RIMS1: variants seen among roughly 807,000 people sequenced by gnomAD.
RIMS1 encodes the protein regulating synaptic membrane exocytosis protein 1.
A neutral mutation model predicts 214.1 loss-of-function variants in RIMS1; 83 were observed. That is an observed-to-expected ratio of 0.39 (90% CI 0.32 to 0.47). The LOEUF (loss-of-function observed/expected upper bound fraction) is 0.47. Among genes scored for constraint, RIMS1 ranks in the 20% least tolerant of loss-of-function variants. RIMS1 has a pLI of 0.99. For missense variants in RIMS1, 2,050 were observed against 2,161.8 expected, an observed-to-expected ratio of 0.95 and a Z score of 1.03; for synonymous variants, 793 against 786.8, an observed-to-expected ratio of 1.01 and a Z score of -0.13.
intron 6 of RIMS1, among the ~76,000 whole-genome samples, chr6:72,210,206 A>G (rs539196006): frequency 6.6e-6 from 1 of 152,318 alleles, no homozygotes; most frequent in Admixed American, 6.5e-5. Context: ...TAGCTTAACA[A>G]AAATCAGAAT....
At chr6:72,092,576 A>G (rs989512175) in intron 2 of RIMS1, among the ~76,000 whole-genome samples, 2 of 152,158 alleles carry the variant, frequency 1.3e-5, no homozygotes, top group Non-Finnish European at 2.9e-5. Context: ...CTGCTGAAAC[A>G]AAAAAGGAAT....
chr6:72,381,196 CT>C (rs2098481324), intron 29 of RIMS1, among the ~76,000 whole-genome samples: 1 of 152,164 alleles, frequency 6.6e-6, no homozygotes, highest in African/African-American at 2.4e-5. Flanking sequence ...GGTGGTCCCT[CT>C]TGTGCCGGTG....
At position 72,247,268 on chromosome 6, in the gene RIMS1, C is replaced by CATAA. The variant is rs577431159; in HGVS notation, c.2129-745_2129-744insAAAT. 1.5e-3 allele frequency among the ~76,000 whole-genome samples: 232 copies of CATAA among 152,194 alleles called. 2 individuals carry two copies. The highest frequency in any genetic ancestry group is 2.2e-3 in the Non-Finnish European group (150 of 67,988). On this transcript the variant is annotated intron_variant, in intron 11 of 33. Transcript: ENST00000521978. ...AGCATTTTCAGAGGTTCAGGATACTCATTTATAAGATCAAAACTAAGATAG... is the reference window on the plus strand; with the variant it reads ...AGCATTTTCAGAGGTTCAGGATACTCATAAATTTATAAGATCAAAACTAAGATAG...
intron 24 of RIMS1, among the ~76,000 whole-genome samples, chr6:72,289,698 C>T (rs185395657): frequency 2.0e-4 from 31 of 152,174 alleles, no homozygotes; most frequent in Admixed American, 1.8e-3. Context: ...AGTTGAATGA[C>T]ACTCCTTTAT....
chr6:71,955,632 A>C (rs1583434247), intron 1 of RIMS1, among the ~76,000 whole-genome samples: 1 of 152,160 alleles, frequency 6.6e-6, no homozygotes, highest in East Asian at 1.9e-4. Flanking sequence ...CATATATGTA[A>C]TGTATATGTA....
chr6:71,966,339 T>C (rs538580938), intron 1 of RIMS1, among the ~76,000 whole-genome samples: 1 of 152,018 alleles, frequency 6.6e-6, no homozygotes, highest in African/African-American at 2.4e-5. Flanking sequence ...TTAATGTGTT[T>C]ATTTTTATTA....
chr6:72,152,506 T>A (rs907199951), intron 4 of RIMS1, among the ~76,000 whole-genome samples: 14 of 152,070 alleles, frequency 9.2e-5, no homozygotes, highest in Non-Finnish European at 1.8e-4. Flanking sequence ...TCCAACTGTA[T>A]CACCAACTTT....
At chr6:72,323,505 G>T (rs193197277) in intron 28 of RIMS1, among the ~76,000 whole-genome samples, 1 of 151,832 alleles carries the variant, frequency 6.6e-6, no homozygotes, top group South Asian at 2.1e-4. Flanking sequence ...TAAAACCAAG[G>T]ATTAATGAAC....
At chr6:72,317,567 G>A (rs1037920188) in intron 28 of RIMS1, 4 of 158,054 alleles carry the variant, frequency 2.5e-5, no homozygotes, top group Admixed American at 1.9e-4. Flanking sequence ...AATATATTCT[G>A]GAATGTCAAT....
intron 1 of RIMS1, among the ~76,000 whole-genome samples, chr6:71,939,682 T>C (rs763752461): frequency 6.6e-6 from 1 of 152,090 alleles, no homozygotes; most frequent in Non-Finnish European, 1.5e-5. Context: ...CAAAGAGGGA[T>C]AAAGGGGACC....
At position 72,088,340 on chromosome 6, in the gene RIMS1, C is replaced by A. The variant is rs111986516; in HGVS notation, c.246-8609C>A. ...CTCGGCTCACTGCAACCTTTGCCTC[C>A]CAGGTTCAAGCGATTCTCCTGCCTC... On this transcript the variant is annotated intron_variant, in intron 2 of 33. Coordinates refer to ENST00000521978, the MANE Select transcript of RIMS1 (RefSeq NM_014989.7). Among the ~76,000 whole-genome samples, 891 of 151,882 alleles carry A rather than the reference C, an allele frequency of 5.9e-3. 8 individuals carry two copies. Among genetic ancestry groups the A allele is most frequent in the African/African-American group, 0.021 (860 of 41,388 alleles).
intron 1 of RIMS1, among the ~76,000 whole-genome samples, chr6:71,958,891 A>T (rs531156941): frequency 6.6e-6 from 1 of 152,230 alleles, no homozygotes; most frequent in South Asian, 2.1e-4. Context: ...GTTTGTTCAT[A>T]TTTCCATCAA....
At chr6:72,007,867 G>A (rs969353858) in intron 2 of RIMS1, among the ~76,000 whole-genome samples, 14 of 152,174 alleles carry the variant, frequency 9.2e-5, no homozygotes, top group South Asian at 2.1e-4. Flanking sequence ...TGAAAGTGAC[G>A]GGGAGAATGG....
chr6:72,162,011 T>G (rs1333133513), intron 4 of RIMS1, among the ~76,000 whole-genome samples: 2 of 140,580 alleles, frequency 1.4e-5, no homozygotes, highest in African/African-American at 4.9e-5. Flanking sequence ...ATTATTATTG[T>G]ATGGGAGTCT....
At chr6:72,133,130 C>G (rs1308826008) in intron 4 of RIMS1, among the ~76,000 whole-genome samples, 2 of 151,598 alleles carry the variant, frequency 1.3e-5, no homozygotes. Flanking sequence ...TGGAATTTCA[C>G]AAATAATTTG....
intron 1 of RIMS1, among the ~76,000 whole-genome samples, chr6:71,907,597 A>G (rs1472357948): frequency 1.3e-5 from 2 of 152,052 alleles, no homozygotes; most frequent in Non-Finnish European, 2.9e-5. Context: ...TTTTAAAAAT[A>G]CAGACATCAC....
chr6:72,274,301 AGTTACTAAAT>A, intron 22 of RIMS1, 38 bp from the exon 23 acceptor site: 1 of 1,282,740 alleles, frequency 7.8e-7, no homozygotes, highest in Non-Finnish European at 1.1e-6. Flanking sequence ...TTATTTTAGG[AGTTACTAAAT>A]GTCCTGTTTT....
chr6:72,172,900 C>T (rs1249989639), intron 4 of RIMS1, among the ~76,000 whole-genome samples: 1 of 152,138 alleles, frequency 6.6e-6, no homozygotes, highest in Non-Finnish European at 1.5e-5. Flanking sequence ...CTCGAAATTT[C>T]TCTCTAGGGT....
chr6:72,037,435 G>T (rs1368942667), intron 2 of RIMS1, among the ~76,000 whole-genome samples: 1 of 152,048 alleles, frequency 6.6e-6, no homozygotes, highest in Non-Finnish European at 1.5e-5. Context: ...AGAGCCCAAA[G>T]GGTTAAAGTT....
Sources: gnomAD v4.1 joint callset for allele counts (sites outside exome capture counted in the v4.1 genomes callset) on GRCh38, gnomAD v4.1.1 for gene constraint, MANE v1.5 for transcripts, NCBI Gene and HGNC (gene_info 2026-07-23, HGNC 2026-07-21) for gene names.